The following BANK1 variants were observed in gnomAD, a reference collection of about 807,000 sequenced individuals.
BANK1 encodes B cell scaffold protein with ankyrin repeats 1.
A neutral mutation model predicts 94.5 loss-of-function variants in BANK1; 95 were observed. The ratio of observed to expected loss-of-function variants is 1.00; its 90% CI spans 0.85 to 1.19. The LOEUF is 1.19. BANK1 is among the 50% of genes most tolerant of loss of function. The pLI is 0.00. For missense variants in BANK1, 987 were observed against 932.2 expected (o/e 1.06, Z -0.77); for synonymous variants, 334 against 308.4 (o/e 1.08, Z -0.87).
Position 101,954,070 on chromosome 4 carries a change from C to G in BANK1, c.1206+35881C>G, listed in dbSNP as rs190859214. Among the ~76,000 whole-genome samples, 512 of 152,170 alleles carry G rather than the reference C, an allele frequency of 3.4e-3. 4 individuals are homozygous for G. The highest frequency in any genetic ancestry group is 0.01 in the Middle Eastern group (3 of 294). ...CTCTCTCCTAGCTTCCGGTGGTTGC[C>G]AGTAATTCTTGACATTCCTTGAATT... On this transcript the variant is annotated intron_variant, in intron 7 of 16. Coordinates refer to ENST00000322953, the MANE Select transcript of BANK1 (RefSeq NM_017935.5).
intron 7 of BANK1, among the ~76,000 whole-genome samples, chr4:101,982,638 T>C (rs993104539): frequency 2.0e-5 from 3 of 151,760 alleles, no homozygotes; most frequent in African/African-American, 7.3e-5. Flanking sequence ...ACTCATAACA[T>C]ATACAGCTCC....
At chr4:102,014,749 G>T (rs954129746) in intron 7 of BANK1, among the ~76,000 whole-genome samples, 1 of 151,960 alleles carries the variant, frequency 6.6e-6, no homozygotes, top group Non-Finnish European at 1.5e-5. Flanking sequence ...TAGCAGTATT[G>T]GTGTTGTCAT....
chr4:102,021,914 T>C (rs1726917930), intron 8 of BANK1, among the ~76,000 whole-genome samples: 2 of 152,118 alleles, frequency 1.3e-5, no homozygotes, highest in Admixed American at 6.6e-5. Context: ...AACCACATTA[T>C]TTGCAGACCT....
intron 5 of BANK1, among the ~76,000 whole-genome samples, chr4:101,877,035 G>A (rs11736568): frequency 0.46 from 70,317 of 151,484 alleles, 17,851 homozygotes; most frequent in African/African-American, 0.68. Flanking sequence ...GAAACCATCA[G>A]GCACACTTAT....
At position 102,028,637 on chromosome 4, in the gene BANK1, C is replaced by T. The variant is rs182008300; in HGVS notation, c.1595-1323C>T. Among the ~76,000 whole-genome samples the T allele has an allele frequency of 1.0e-3, 157 of 152,274 alleles. 1 individual carries two copies. Among genetic ancestry groups the T allele is most frequent in the African/African-American group, 3.6e-3 (150 of 41,576 alleles). The stretch of plus-strand genomic sequence containing the variant: ...GAATGAAAATGAAAGAAAAAGCCTT[C>T]ATTGGCCTTGTAGAGAGCCATTAAA... On this transcript the variant is annotated intron_variant, in intron 9 of 16. Transcript: ENST00000322953.
intron 7 of BANK1, among the ~76,000 whole-genome samples, chr4:101,934,688 T>C (rs115415817): frequency 0.027 from 4,117 of 151,568 alleles, 196 homozygotes; most frequent in African/African-American, 0.095. Flanking sequence ...AACCACTGAC[T>C]TACCTGTAAA....
At chr4:102,057,639 T>C (rs1728276411) in intron 11 of BANK1, among the ~76,000 whole-genome samples, 1 of 152,128 alleles carries the variant, frequency 6.6e-6, no homozygotes, top group Non-Finnish European at 1.5e-5. Context: ...ACCCTAGTTA[T>C]TTAAGTCCTA....
At chr4:101,842,621 A>G (rs892184299) in intron 2 of BANK1, among the ~76,000 whole-genome samples, 1 of 152,198 alleles carries the variant, frequency 6.6e-6, no homozygotes, top group Non-Finnish European at 1.5e-5. Flanking sequence ...ACTTGCAGAG[A>G]ACTAGATCAT....
At chr4:102,009,596 T>C (rs1410873161) in intron 7 of BANK1, among the ~76,000 whole-genome samples, 3 of 152,190 alleles carry the variant, frequency 2.0e-5, no homozygotes, top group Admixed American at 2.0e-4. Context: ...TGCTTACTTA[T>C]TTTCCTTATT....
intron 7 of BANK1, among the ~76,000 whole-genome samples, chr4:101,941,085 T>C (rs1011712329): frequency 5.9e-5 from 9 of 151,820 alleles, no homozygotes; most frequent in African/African-American, 2.2e-4. Context: ...GACATTTATA[T>C]TTTGGATTAT....
Position 101,973,049 on chromosome 4 carries a change from T to A in BANK1, c.1207-48465T>A, listed in dbSNP as rs193250171. Among the ~76,000 whole-genome samples, 54 of 151,840 alleles carry A rather than the reference T, an allele frequency of 3.6e-4. 1 individual carries two copies. In the East Asian group the frequency reaches 6.6e-3, roughly 19 times the overall value. ...TACAAAATCTCAGACAGGAGGAATC[T>A]GTGGTGGTTTTTTTTTTAGCTCTAT... On this transcript the variant is annotated intron_variant, in intron 7 of 16. Transcript: ENST00000322953.
intron 11 of BANK1, among the ~76,000 whole-genome samples, chr4:102,050,421 G>T (rs1438587938): frequency 6.6e-6 from 1 of 152,186 alleles, no homozygotes; most frequent in East Asian, 1.9e-4. Flanking sequence ...AACTTTGGTT[G>T]CCTAAGCCCT....
chr4:102,002,480 G>T (rs1726110144), intron 7 of BANK1, among the ~76,000 whole-genome samples: 1 of 150,900 alleles, frequency 6.6e-6, no homozygotes, highest in Non-Finnish European at 1.5e-5. Flanking sequence ...CAAAATATTA[G>T]TAATCATTAT....
At chr4:101,955,582 A>T (rs1007995287) in intron 7 of BANK1, among the ~76,000 whole-genome samples, 1 of 152,190 alleles carries the variant, frequency 6.6e-6, no homozygotes, top group African/African-American at 2.4e-5. Context: ...CTCTTGAAAG[A>T]TAATGCAGCA....
intron 1 of BANK1, among the ~76,000 whole-genome samples, chr4:101,807,562 C>T (rs1725598681): frequency 6.6e-6 from 1 of 152,138 alleles, no homozygotes; most frequent in Admixed American, 6.5e-5. Flanking sequence ...GGATCCCTTC[C>T]ACTGTTCTCC....
intron 5 of BANK1, among the ~76,000 whole-genome samples, chr4:101,887,957 G>T (rs1343736593): frequency 6.6e-6 from 1 of 151,964 alleles, no homozygotes; most frequent in South Asian, 2.1e-4. Context: ...CATTTGCTTT[G>T]CTCTTTTTTT....
chr4:101,903,738 C>T (rs1005452198), intron 6 of BANK1, among the ~76,000 whole-genome samples: 2 of 152,162 alleles, frequency 1.3e-5, no homozygotes, highest in African/African-American at 4.8e-5. Context: ...CAATTAATGT[C>T]CCCTAGTAAT....
chr4:102,073,291 A>G (rs1238473118), intron 15 of BANK1, among the ~76,000 whole-genome samples: 1 of 151,046 alleles, frequency 6.6e-6, no homozygotes, highest in Non-Finnish European at 1.5e-5. Context: ...GACTCATTAG[A>G]CTCATTCAAA....
intron 7 of BANK1, among the ~76,000 whole-genome samples, chr4:102,006,688 G>A (rs895863213): frequency 6.6e-6 from 1 of 151,900 alleles, no homozygotes; most frequent in African/African-American, 2.4e-5. Flanking sequence ...GTTCTGGATA[G>A]GATTTCATAA....
Sources: allele counts gnomAD v4.1 joint callset (sites outside exome capture counted in the v4.1 genomes callset), GRCh38; gene constraint gnomAD v4.1.1; transcripts MANE v1.5; gene names NCBI Gene and HGNC (gene_info 2026-07-23, HGNC 2026-07-21).